Variants in PDE1A observed in about 807,000 individuals in gnomAD.
PDE1A encodes phosphodiesterase 1A.
A neutral mutation model predicts 61.7 loss-of-function variants in PDE1A; 35 were observed. The observed-to-expected ratio is 0.57, with a 90% CI of 0.43 to 0.75. The LOEUF (loss-of-function observed/expected upper bound fraction) is 0.75. Among genes scored for constraint, PDE1A ranks in the 30% least tolerant of loss-of-function variants. The probability of loss-of-function intolerance (pLI) is 0.00; values close to 1 mark genes in which losing one functional copy is unlikely to be tolerated. For synonymous variants in PDE1A, 232 were observed against 213.2 expected (o/e 1.09, Z -0.77); for missense variants, 597 against 630.6 (o/e 0.95, Z 0.57).
At chr2:182,337,563 T>C (rs1239248332) in intron 1 of PDE1A, among the ~76,000 whole-genome samples, 3 of 152,160 alleles carry the variant, frequency 2.0e-5, no homozygotes, top group Non-Finnish European at 2.9e-5. Context: ...TTCACTAGAG[T>C]TTCCAAATAA....
chr2:182,273,932 T>A (rs1336692600), intron 1 of PDE1A, among the ~76,000 whole-genome samples: 1 of 152,050 alleles, frequency 6.6e-6, no homozygotes, highest in Non-Finnish European at 1.5e-5. Flanking sequence ...CTGGGTGGCT[T>A]ATAAACAAGA....
intron 2 of PDE1A, among the ~76,000 whole-genome samples, chr2:182,448,154 A>C (rs1473124446): frequency 6.6e-6 from 1 of 152,022 alleles, no homozygotes; most frequent in Non-Finnish European, 1.5e-5. Flanking sequence ...CTTTCCTAAC[A>C]TTTCAAGATT....
intron 2 of PDE1A, among the ~76,000 whole-genome samples, chr2:182,433,663 T>A (rs1704065662): frequency 6.6e-6 from 1 of 152,064 alleles, no homozygotes; most frequent in African/African-American, 2.4e-5. Context: ...ACAAATACAT[T>A]ATCACTATAT....
the PDE1A span, among the ~76,000 whole-genome samples, chr2:182,705,127 AC>A: frequency 6.6e-6 from 1 of 151,950 alleles, no homozygotes; most frequent in Non-Finnish European, 1.5e-5. Flanking sequence ...CCATGTGAAA[AC>A]CTCCAGGTGT....
the PDE1A span, among the ~76,000 whole-genome samples, chr2:182,681,588 A>C: frequency 6.6e-6 from 1 of 152,094 alleles, no homozygotes; most frequent in Non-Finnish European, 1.5e-5. Context: ...AAAAAAAAAA[A>C]AAACAGTTAT....
exon 14 of PDE1A, chr2:182,167,989 C>T (rs531124729): frequency 1.3e-5 from 16 of 1,207,004 alleles, no homozygotes; most frequent in Admixed American, 4.3e-5. Context: ...CCACAAAATG[C>T]CATTGAAACA....
chr2:182,208,444 G>C (rs1236912781), intron 7 of PDE1A, among the ~76,000 whole-genome samples: 1 of 152,144 alleles, frequency 6.6e-6, no homozygotes, highest in African/African-American at 2.4e-5. Flanking sequence ...GGGAGAAGCT[G>C]TCCCTATGAT....
At chr2:182,266,663 C>A (rs1352562069) in intron 1 of PDE1A, among the ~76,000 whole-genome samples, 1 of 152,136 alleles carries the variant, frequency 6.6e-6, no homozygotes, top group Non-Finnish European at 1.5e-5. Context: ...TGAGTAAATT[C>A]TTGCCACAGA....
Position 182,513,669 on chromosome 2 carries a change from A to G in PDE1A, c.101+8607T>C, listed in dbSNP as rs1018127522. Among the ~76,000 whole-genome samples, 10 of 152,360 alleles carry G rather than the reference A, an allele frequency of 6.6e-5. No homozygotes were observed. In the East Asian group the frequency reaches 1.5e-3, roughly 23 times the overall value. On this transcript the variant is annotated intron_variant, in intron 2 of 14. Coordinates refer to the PDE1A transcript ENST00000410103. ...GAAGTGGCAAGTTGGATAAAGAAGCAAGGCCCAACCTGTATGCTGTCTTCA... is the reference window on the plus strand; with the variant it reads ...GAAGTGGCAAGTTGGATAAAGAAGCGAGGCCCAACCTGTATGCTGTCTTCA...
At chr2:182,298,487 G>A (rs1695033222) in intron 1 of PDE1A, among the ~76,000 whole-genome samples, 1 of 152,140 alleles carries the variant, frequency 6.6e-6, no homozygotes, top group South Asian at 2.1e-4. Flanking sequence ...TGATATGTGG[G>A]ATGGGGACAA....
chr2:182,698,100 C>T, the PDE1A span, among the ~76,000 whole-genome samples: 65 of 152,304 alleles, frequency 4.3e-4, no homozygotes, highest in African/African-American at 1.5e-3. Context: ...GCATTTTCTC[C>T]TAGCTGTGCT....
chr2:182,174,653 T>C (rs1374982929), intron 13 of PDE1A, among the ~76,000 whole-genome samples: 2 of 152,126 alleles, frequency 1.3e-5, no homozygotes, highest in Non-Finnish European at 2.9e-5. Flanking sequence ...TGGGAAGAAA[T>C]AGTGTAAATA....
chr2:182,200,909 G>T (rs943887607), intron 10 of PDE1A, among the ~76,000 whole-genome samples: 1 of 152,194 alleles, frequency 6.6e-6, no homozygotes. Flanking sequence ...CATGTATAAA[G>T]AAAAGATGTG....
the PDE1A span, among the ~76,000 whole-genome samples, chr2:182,564,524 T>C: frequency 6.6e-6 from 1 of 152,226 alleles, no homozygotes; most frequent in South Asian, 2.1e-4. Context: ...ACTCTGACAA[T>C]TATGTCTTGG....
At chr2:182,441,857 T>C (rs897166044) in intron 2 of PDE1A, among the ~76,000 whole-genome samples, 1 of 152,086 alleles carries the variant, frequency 6.6e-6, no homozygotes, top group African/African-American at 2.4e-5. Context: ...AGCAATGTTT[T>C]ATGTCTTATT....
At position 182,186,161 on chromosome 2, in the gene PDE1A, C is replaced by T. The variant is rs1468807330; in HGVS notation, c.1329-82G>A. The T allele has an allele frequency of 8.3e-6, 12 of 1,450,548 alleles. No individual in the cohort carries two copies. In the East Asian group the frequency reaches 1.1e-4, roughly 14 times the overall value. The allele number at this position is 1,450,548 out of a possible 1,614,324, so 89.9% of individuals were successfully genotyped here. ...GAAAACCTGAAAAACTTTACAAAAC[C>T]GACTAGAAAAGCAGGATAGTAGATG... On this transcript the variant is annotated intron_variant, in intron 12 of 13. Coordinates refer to ENST00000351439, the Ensembl canonical transcript of PDE1A.
chr2:182,498,899 C>G lies in PDE1A; in HGVS notation c.101+23377G>C, dbSNP rs189415195. Among the ~76,000 whole-genome samples, 13 of 151,970 alleles carry G rather than the reference C, an allele frequency of 8.6e-5. No homozygotes were observed. In the East Asian group the frequency reaches 1.8e-3, roughly 21 times the overall value. ...GCGGAGTTCGCAGTGAGCGGAAATGCGCCACTGCACTCCAGCCTGGGCGAC... is the reference window on the plus strand; with the variant it reads ...GCGGAGTTCGCAGTGAGCGGAAATGGGCCACTGCACTCCAGCCTGGGCGAC... On this transcript the variant is annotated intron_variant, in intron 2 of 14. Transcript: ENST00000410103.
chr2:182,401,795 A>G (rs2125451565), intron 1 of PDE1A, among the ~76,000 whole-genome samples: 1 of 152,354 alleles, frequency 6.6e-6, no homozygotes, highest in African/African-American at 2.4e-5. Flanking sequence ...TCAGCTCAAA[A>G]TCTCCTTAAG....
At chr2:182,434,130 T>C (rs1023166133) in intron 2 of PDE1A, among the ~76,000 whole-genome samples, 2 of 152,122 alleles carry the variant, frequency 1.3e-5, no homozygotes, top group Admixed American at 6.6e-5. Context: ...GATCAGAACA[T>C]GTAACTTACC....
Sources: allele counts gnomAD v4.1 joint callset (sites outside exome capture counted in the v4.1 genomes callset), GRCh38; gene constraint gnomAD v4.1.1; transcripts MANE v1.5; gene names NCBI Gene and HGNC (gene_info 2026-07-23, HGNC 2026-07-21).